DAB1: variants seen among roughly 807,000 people sequenced by gnomAD.
DAB1 encodes the protein disabled homolog 1.
DAB1 carries 15 observed loss-of-function variants against 64.6 expected under a neutral mutation model. That is an observed-to-expected ratio of 0.23 (90% CI 0.16 to 0.36). DAB1 has a LOEUF of 0.36. DAB1 is among the 10% of genes least tolerant of loss of function. The pLI, the probability that DAB1 is intolerant of heterozygous loss-of-function variation, is 1.00. For synonymous variants in DAB1, 235 were observed against 251.9 expected, an observed-to-expected ratio of 0.93 and a Z score of 0.64; for missense variants, 596 against 706.7, an observed-to-expected ratio of 0.84 and a Z score of 1.78.
At chr1:57,621,438 G>A (rs1336388266) in intron 7 of DAB1, among the ~76,000 whole-genome samples, 1 of 151,732 alleles carries the variant, frequency 6.6e-6, no homozygotes, top group East Asian at 1.9e-4. Flanking sequence ...TCACTGAAGG[G>A]CTCTCCTACC....
At chr1:57,189,627 C>T (rs1355596613) in intron 2 of DAB1, among the ~76,000 whole-genome samples, 1 of 152,104 alleles carries the variant, frequency 6.6e-6, no homozygotes, top group East Asian at 1.9e-4. Context: ...GTCACAATGT[C>T]AAGCCTAGAG....
intron 1 of DAB1, among the ~76,000 whole-genome samples, chr1:57,342,541 T>C (rs1480899482): frequency 1.3e-5 from 2 of 152,226 alleles, no homozygotes; most frequent in Non-Finnish European, 2.9e-5. Context: ...GGAATATTAT[T>C]TGCAGGAAAG....
At chr1:57,170,735 G>T (rs575236569) in intron 2 of DAB1, among the ~76,000 whole-genome samples, 1 of 152,054 alleles carries the variant, frequency 6.6e-6, no homozygotes, top group Non-Finnish European at 1.5e-5. Flanking sequence ...TTTTATTCCT[G>T]AAATGTCTAG....
chr1:58,055,878 C>T (rs1557629535), intron 5 of DAB1, among the ~76,000 whole-genome samples: 1 of 121,490 alleles, frequency 8.2e-6, no homozygotes, highest in Non-Finnish European at 1.9e-5. Context: ...TGCCATCACA[C>T]CGAGTTATTA....
At position 58,152,610 on chromosome 1, in the gene DAB1, G is replaced by A. The variant is rs142974684; in HGVS notation, n.310-2022C>T. Among the ~76,000 whole-genome samples, 219 of 152,258 alleles carry A rather than the reference G, an allele frequency of 1.4e-3. 1 individual carries two copies. Among genetic ancestry groups the A allele is most frequent in the African/African-American group, 4.9e-3 (204 of 41,542 alleles). On this transcript the variant is annotated intron_variant and non_coding_transcript_variant, in intron 4 of 20. Coordinates refer to the DAB1 transcript ENST00000485760. Reference sequence around the variant, plus strand: ...CACAAGGTTATCATTAGGATTACACGAGCTCTATCATGCTAATCCCTATTG... The same window carrying A: ...CACAAGGTTATCATTAGGATTACACAAGCTCTATCATGCTAATCCCTATTG...
intron 5 of DAB1, among the ~76,000 whole-genome samples, chr1:57,967,467 C>T (rs1343988250): frequency 6.6e-6 from 1 of 152,122 alleles, no homozygotes; most frequent in Non-Finnish European, 1.5e-5. Context: ...TGGATCCATA[C>T]TCTGTGTCCT....
intron 7 of DAB1, among the ~76,000 whole-genome samples, chr1:57,495,882 C>T (rs2691467): frequency 0.079 from 12,055 of 152,184 alleles, 1,500 homozygotes; most frequent in African/African-American, 0.26. Context: ...CAGAATTCAA[C>T]ATCATTTTTA....
chr1:57,744,713 C>T (rs907740348), intron 6 of DAB1, among the ~76,000 whole-genome samples: 1 of 152,170 alleles, frequency 6.6e-6, no homozygotes, highest in Non-Finnish European at 1.5e-5. Context: ...CGATGAGGTA[C>T]TCACAGACCT....
At chr1:57,000,808 G>T (rs1259667989) in intron 14 of DAB1, among the ~76,000 whole-genome samples, 2 of 152,122 alleles carry the variant, frequency 1.3e-5, no homozygotes, top group Non-Finnish European at 2.9e-5. Context: ...CCTACAATTT[G>T]CTCTATTCTA....
chr1:57,993,557 T>G (rs112353782), intron 5 of DAB1, among the ~76,000 whole-genome samples: 1 of 152,230 alleles, frequency 6.6e-6, no homozygotes, highest in African/African-American at 2.4e-5. Flanking sequence ...TGATAAGATA[T>G]ACAGTCAGTA....
intron 4 of DAB1, among the ~76,000 whole-genome samples, chr1:57,080,711 C>A (rs540525177): frequency 2.0e-5 from 3 of 151,762 alleles, no homozygotes; most frequent in African/African-American, 7.3e-5. Context: ...GACAACGAAG[C>A]ATATTTTGTT....
chr1:57,695,352 GAAA>G (rs879803970), intron 6 of DAB1, among the ~76,000 whole-genome samples: 1 of 52,972 alleles, frequency 1.9e-5, no homozygotes, highest in Non-Finnish European at 4.0e-5. Flanking sequence ...AAGAAAGAAA[GAAA>G]AGAAAGAAGA....
At chr1:58,289,091 C>T (rs923111028) in intron 4 of DAB1, among the ~76,000 whole-genome samples, 2 of 152,176 alleles carry the variant, frequency 1.3e-5, no homozygotes, top group Non-Finnish European at 2.9e-5. Flanking sequence ...CTTTCTTCTC[C>T]TATCACGCAT....
intron 4 of DAB1, among the ~76,000 whole-genome samples, chr1:58,249,615 G>A (rs1660705656): frequency 6.6e-6 from 1 of 152,120 alleles, no homozygotes; most frequent in African/African-American, 2.4e-5. Flanking sequence ...GACTGAGCGA[G>A]GAAATGCTCA....
At chr1:57,557,849 G>C (rs763604950) in intron 7 of DAB1, among the ~76,000 whole-genome samples, 2 of 152,176 alleles carry the variant, frequency 1.3e-5, no homozygotes, top group Non-Finnish European at 2.9e-5. Flanking sequence ...AGTGGACAAA[G>C]TGATGAAAGA....
At chr1:58,431,589 GAAGAAA>G in intron 3 of DAB1, among the ~76,000 whole-genome samples, 1 of 144,372 alleles carries the variant, frequency 6.9e-6, no homozygotes, top group Non-Finnish European at 1.5e-5. Flanking sequence ...GGGAGAAGAA[GAAGAAA>G]AAGAAAAAGT....
intron 5 of DAB1, among the ~76,000 whole-genome samples, chr1:58,040,929 C>T (rs1216392773): frequency 6.6e-6 from 1 of 152,098 alleles, no homozygotes; most frequent in South Asian, 2.1e-4. Context: ...CCTGGGACCC[C>T]GGGGATTGGC....
intron 2 of DAB1, among the ~76,000 whole-genome samples, chr1:57,267,890 A>G (rs1483555283): frequency 6.6e-6 from 1 of 152,202 alleles, no homozygotes; most frequent in Non-Finnish European, 1.5e-5. Context: ...CTGCTGTGCT[A>G]TGAGAGCGGA....
chr1:57,275,429 T>C (rs1381485912), intron 2 of DAB1, among the ~76,000 whole-genome samples: 1 of 152,220 alleles, frequency 6.6e-6, no homozygotes, highest in African/African-American at 2.4e-5. Flanking sequence ...CAGAACTAAA[T>C]AGTTGCACTA....
Sources: gnomAD v4.1 joint callset for allele counts (sites outside exome capture counted in the v4.1 genomes callset) on GRCh38, gnomAD v4.1.1 for gene constraint, MANE v1.5 for transcripts, NCBI Gene and HGNC (gene_info 2026-07-23, HGNC 2026-07-21) for gene names.